C8orf89: variants seen among roughly 807,000 people sequenced by gnomAD.
The protein encoded by C8orf89 is chromosome 8 open reading frame 89, also known as putative uncharacterized protein C8orf89.
A neutral mutation model predicts 15.8 loss-of-function variants in C8orf89; 14 were observed. The ratio of observed to expected loss-of-function variants is 0.89; its 90% confidence interval spans 0.59 to 1.39. The LOEUF (loss-of-function observed/expected upper bound fraction) is 1.39, where lower values mean the gene tolerates loss of function less well. C8orf89 is among the 40% of genes most tolerant of loss of function. The pLI is 0.00. For missense variants in C8orf89, 181 were observed against 184.5 expected (o/e 0.98, Z 0.11); for synonymous variants, 55 against 62.2 (o/e 0.88, Z 0.54).
the C8orf89 span, among the ~76,000 whole-genome samples, chr8:73,273,864 A>G: frequency 6.6e-6 from 1 of 151,596 alleles, no homozygotes; most frequent in Non-Finnish European, 1.5e-5. Context: ...TGGTAACTAT[A>G]TGGAATGTAT....
At chr8:73,280,283 A>G in the C8orf89 span, among the ~76,000 whole-genome samples, 2 of 152,224 alleles carry the variant, frequency 1.3e-5, no homozygotes, top group African/African-American at 4.8e-5. Flanking sequence ...TTGAAGCAAA[A>G]TGGGGACCCT....
chr8:73,251,140 T>A (rs1654031229), intron 2 of C8orf89, among the ~76,000 whole-genome samples: 1 of 152,152 alleles, frequency 6.6e-6, no homozygotes, highest in African/African-American at 2.4e-5. Context: ...CAGTGACTTT[T>A]AAGTACTCCA....
At chr8:73,282,253 GAAGAA>G in the C8orf89 span, among the ~76,000 whole-genome samples, 1 of 152,240 alleles carries the variant, frequency 6.6e-6, no homozygotes, top group South Asian at 2.1e-4. Flanking sequence ...TTCCAGTCCA[GAAGAA>G]AAAACAGTAG....
chr8:73,265,179 G>A, the C8orf89 span, among the ~76,000 whole-genome samples: 1 of 152,166 alleles, frequency 6.6e-6, no homozygotes, highest in South Asian at 2.1e-4. Flanking sequence ...GATTAAATAA[G>A]GTTATTTACA....
chr8:73,284,513 C>T, the C8orf89 span, among the ~76,000 whole-genome samples: 7 of 151,766 alleles, frequency 4.6e-5, no homozygotes, highest in South Asian at 2.1e-4. Flanking sequence ...ATGCCTGGCC[C>T]GCTCCATCAT....
the C8orf89 span, among the ~76,000 whole-genome samples, chr8:73,285,407 G>A: frequency 6.6e-6 from 1 of 152,184 alleles, no homozygotes; most frequent in Non-Finnish European, 1.5e-5. Flanking sequence ...AGATGTTTCT[G>A]CCAGCTCCCA....
At chr8:73,254,935 A>G (rs995154068) in intron 2 of C8orf89, among the ~76,000 whole-genome samples, 1 of 152,154 alleles carries the variant, frequency 6.6e-6, no homozygotes, top group African/African-American at 2.4e-5. Context: ...CTGAAACTGG[A>G]TCCCTTCCTT....
At chr8:73,246,594 G>C (rs1392797059) in intron 3 of C8orf89, among the ~76,000 whole-genome samples, 1 of 152,178 alleles carries the variant, frequency 6.6e-6, no homozygotes, top group Non-Finnish European at 1.5e-5. Context: ...GGCCAGGCTG[G>C]TCTCAAACTC....
At position 73,244,427 on chromosome 8, in the gene C8orf89, C is replaced by T. The variant is rs544710983; in HGVS notation, c.338-2822G>A. The stretch of plus-strand genomic sequence containing the variant: ...AGATTCATCAAAGTTCCAATCACTA[C>T]GTATTACCCCTAAATACATGTAGAA... On this transcript the variant is annotated intron_variant, in intron 3 of 3. Transcript: ENST00000624510. Among the ~76,000 whole-genome samples the T allele has an allele frequency of 1.4e-4, 21 of 152,252 alleles. No individual in the cohort carries two copies. In the South Asian group the frequency reaches 2.5e-3, roughly 18 times the overall value.
upstream of C8orf89, among the ~76,000 whole-genome samples, chr8:73,263,479 A>G (rs748196446): frequency 2.0e-5 from 3 of 152,176 alleles, no homozygotes; most frequent in Non-Finnish European, 4.4e-5. Flanking sequence ...ACACAACTGA[A>G]CTCCAGCCTG....
At chr8:73,249,152 A>C (rs1367965267) in intron 3 of C8orf89, among the ~76,000 whole-genome samples, 1 of 152,134 alleles carries the variant, frequency 6.6e-6, no homozygotes, top group Non-Finnish European at 1.5e-5. Flanking sequence ...TTTTATCAAA[A>C]GTCTTTTCTG....
At chr8:73,248,354 G>A (rs908273244) in intron 3 of C8orf89, among the ~76,000 whole-genome samples, 3 of 151,728 alleles carry the variant, frequency 2.0e-5, no homozygotes, top group African/African-American at 7.3e-5. Flanking sequence ...CCTGTACCAC[G>A]GTTTGAAGTC....
At chr8:73,256,494 C>A (rs1331392142) in intron 2 of C8orf89, among the ~76,000 whole-genome samples, 7 of 151,904 alleles carry the variant, frequency 4.6e-5, no homozygotes, top group Admixed American at 2.0e-4. Flanking sequence ...CTTTGGGAGG[C>A]TGACTTGGGC....
chr8:73,265,200 CT>C, the C8orf89 span, among the ~76,000 whole-genome samples: 1 of 152,076 alleles, frequency 6.6e-6, no homozygotes, highest in African/African-American at 2.4e-5. Context: ...TTAATTTCAC[CT>C]GTCTCTTTTT....
At chr8:73,285,022 T>C in the C8orf89 span, among the ~76,000 whole-genome samples, 3 of 152,220 alleles carry the variant, frequency 2.0e-5, no homozygotes, top group African/African-American at 7.2e-5. Flanking sequence ...GTTTAACTCC[T>C]GGTGAGAAAA....
the C8orf89 span, among the ~76,000 whole-genome samples, chr8:73,275,524 CACTGT>C: frequency 4.6e-5 from 7 of 152,164 alleles, no homozygotes; most frequent in African/African-American, 1.7e-4. Flanking sequence ...AGGCATGAGC[CACTGT>C]ACCCTGCCAA....
the C8orf89 span, among the ~76,000 whole-genome samples, chr8:73,277,093 C>T: frequency 6.6e-6 from 1 of 152,148 alleles, no homozygotes; most frequent in African/African-American, 2.4e-5. Flanking sequence ...AAGCATGAGC[C>T]ACTGCGCCCA....
chr8:73,278,176 C>T, the C8orf89 span: 6 of 221,396 alleles, frequency 2.7e-5, no homozygotes, highest in Middle Eastern at 1.8e-3. Context: ...TGCCATAATA[C>T]GATGTATAAT....
At chr8:73,259,815 G>A (rs1435827386), upstream of C8orf89, among the ~76,000 whole-genome samples, 3 of 151,508 alleles carry the variant, frequency 2.0e-5, no homozygotes, top group South Asian at 2.1e-4. Context: ...TATTTTAAAC[G>A]TGGACACAGA....
Sources: allele counts gnomAD v4.1 joint callset (sites outside exome capture counted in the v4.1 genomes callset), GRCh38; gene constraint gnomAD v4.1.1; transcripts MANE v1.5; gene names NCBI Gene and HGNC (gene_info 2026-07-23, HGNC 2026-07-21).